The following EFL1 variants were observed in gnomAD, a reference collection of about 807,000 sequenced individuals.
EFL1 encodes elongation factor like GTPase 1.
In EFL1, 76 loss-of-function variants were observed where a neutral mutation model predicts 126.7. The ratio of observed to expected loss-of-function variants is 0.60; its 90% CI spans 0.50 to 0.73. The LOEUF is 0.73. Among genes scored for constraint, EFL1 ranks in the 30% least tolerant of loss-of-function variants. The pLI, the probability that EFL1 is intolerant of heterozygous loss-of-function variation, is 0.00. For missense variants in EFL1, 1,128 were observed against 1,343.2 expected (o/e 0.84, Z 2.50); for synonymous variants, 410 against 448.4 (o/e 0.91, Z 1.08).
intron 4 of EFL1, among the ~76,000 whole-genome samples, chr15:82,247,371 C>A (rs1459908557): frequency 6.6e-6 from 1 of 152,042 alleles, no homozygotes; most frequent in African/African-American, 2.4e-5. Context: ...GGTGAAAAGC[C>A]ACCTTAGAAG....
intron 15 of EFL1, among the ~76,000 whole-genome samples, chr15:82,180,285 A>G (rs549242441): frequency 1.3e-5 from 2 of 151,270 alleles, no homozygotes; most frequent in South Asian, 2.1e-4. Context: ...TCCTCCACAG[A>G]TATTTGTTGA....
chr15:82,132,549 G>A (rs901500340), intron 19 of EFL1, among the ~76,000 whole-genome samples: 5 of 151,836 alleles, frequency 3.3e-5, no homozygotes, highest in African/African-American at 7.3e-5. Flanking sequence ...AGCAGCCAGG[G>A]GGCACAGAGG....
chr15:82,138,573 G>T, intron 19 of EFL1, 85 bp downstream of exon 19: 1 of 1,496,852 alleles, frequency 6.7e-7, no homozygotes, highest in Non-Finnish European at 9.1e-7. Flanking sequence ...GGCATGATCT[G>T]TGTTGTTTGC....
At chr15:82,174,536 C>A (rs529690254) in intron 15 of EFL1, among the ~76,000 whole-genome samples, 1 of 152,244 alleles carries the variant, frequency 6.6e-6, no homozygotes, top group South Asian at 2.1e-4. Flanking sequence ...TTGCATTAAT[C>A]AATTTAGACC....
At chr15:82,180,610 T>C (rs1234637959) in intron 15 of EFL1, among the ~76,000 whole-genome samples, 2 of 152,114 alleles carry the variant, frequency 1.3e-5, no homozygotes, top group East Asian at 1.9e-4. Context: ...CTAAGATATA[T>C]TTTGATTTTT....
At chr15:82,171,880 TAC>T (rs572831597) in intron 15 of EFL1, among the ~76,000 whole-genome samples, 135 of 150,080 alleles carry the variant, frequency 9.0e-4, no homozygotes, top group African/African-American at 2.0e-3. Flanking sequence ...AATTTATATA[TAC>T]ACACACACAC....
At chr15:82,233,921 T>C (rs2074847129) in intron 7 of EFL1, 1 of 152,202 alleles carries the variant, frequency 6.6e-6, no homozygotes, top group Non-Finnish European at 1.5e-5. Flanking sequence ...TCTCTGGTGC[T>C]TTCATTTCCA....
At chr15:82,140,482 G>A (rs1247996982) in intron 18 of EFL1, among the ~76,000 whole-genome samples, 1 of 151,986 alleles carries the variant, frequency 6.6e-6, no homozygotes, top group Non-Finnish European at 1.5e-5. Flanking sequence ...AGTATCTCCT[G>A]AACTTCTTCT....
At chr15:82,228,418 T>A in intron 9 of EFL1, 91 bp from the exon 10 acceptor site, 1 of 1,453,532 alleles carries the variant, frequency 6.9e-7, no homozygotes, top group Non-Finnish European at 9.1e-7. Flanking sequence ...ATTTTTACCC[T>A]AATGTGTTAC....
Position 82,250,021 on chromosome 15 carries a change from C to G in EFL1, c.244+2670G>C, listed in dbSNP as rs542760770. Among the ~76,000 whole-genome samples the G allele has an allele frequency of 9.1e-4, 138 of 152,118 alleles. 1 individual carries two copies. The highest frequency in any genetic ancestry group is 3.2e-3 in the African/African-American group (133 of 41,444). On this transcript the variant is annotated intron_variant, in intron 4 of 19. Coordinates refer to ENST00000268206, the MANE Select transcript of EFL1 (RefSeq NM_024580.6). ...GTACACAGATTCTCAAATAAGAGGG[C>G]ATTCGAAGTGGGTGAGAAGGAGGGG...
In EFL1 at chr15:82,151,714, C is replaced by A. The variant is rs753996758; in HGVS notation, c.2740G>T (p.Gly914Ter). 1 of 1,613,978 alleles carries A rather than the reference C, an allele frequency of 6.2e-7. No homozygotes were observed. Among genetic ancestry groups the A allele is most frequent in the African/African-American group, 1.3e-5 (1 of 74,880 alleles). Reference sequence around the variant, plus strand: ...GAACAGGTTTCATTTTCCTCCTGTCCCTCTTTTGCCAGATCACTTGCTCCT... The same window carrying A: ...GAACAGGTTTCATTTTCCTCCTGTCACTCTTTTGCCAGATCACTTGCTCCT... ...EQGASDLAKE[G>*]QEENETCSGG... Residue 914 changes from glycine to a stop codon, truncating the protein, a stop_gained, in exon 18 of 20, where the codon GGA becomes TGA. Transcript: ENST00000268206. LOFTEE classifies it high-confidence loss of function.
intron 15 of EFL1, among the ~76,000 whole-genome samples, chr15:82,180,375 A>C (rs1487443197): frequency 1.1e-5 from 1 of 88,306 alleles, no homozygotes; most frequent in Non-Finnish European, 2.6e-5. Flanking sequence ...AAAAAAAACA[A>C]AAAAAAAACA....
Position 82,151,824 on chromosome 15 carries a change from G to T in EFL1, c.2630C>A (p.Thr877Asn). ...CTCCTCACACATGGGGCCAGAGAGG[G>T]TTGCTAGTTGGAAGCCACTCACAAT... is the stretch of plus-strand genomic sequence containing the variant. ...NSIVSGFQLA[T>N]LSGPMCEEPL... Residue 877 changes from threonine to asparagine, a missense_variant, in exon 18 of 20, where the codon ACC becomes AAC. By Grantham distance (65) the Thr-to-Asn change is moderately conservative (BLOSUM62 0). Transcript: ENST00000268206. The T allele has an allele frequency of 6.2e-7, 1 of 1,614,122 alleles. No individual in the cohort carries two copies. The highest frequency in any genetic ancestry group is 1.1e-5 in the South Asian group (1 of 91,066).
chr15:82,174,479 T>G (rs2074172754), intron 15 of EFL1: 1 of 152,230 alleles, frequency 6.6e-6, no homozygotes, highest in Non-Finnish European at 1.5e-5. Context: ...ATTGTTTGAA[T>G]TACCACAGGG....
At chr15:82,184,920 G>C (rs112590405) in intron 15 of EFL1, among the ~76,000 whole-genome samples, 47 of 152,330 alleles carry the variant, frequency 3.1e-4, no homozygotes, top group African/African-American at 1.1e-3. Context: ...GAACAACTTA[G>C]AGTAGTGTGA....
Position 82,151,564 on chromosome 15 carries a change from T to C in EFL1, c.2890A>G (p.Thr964Ala). The C allele has an allele frequency of 6.2e-7, 1 of 1,614,196 alleles. No individual in the cohort carries two copies. The highest frequency in any genetic ancestry group is 8.5e-7 in the Non-Finnish European group (1 of 1,180,030). ...YGPFSGQLIA[T>A]MKEACRYALQ... ...GCATAGCGACATGCTTCTTTCATGG[T>C]GGCAATTAGCTGTCCTGAGAAAGGT... Residue 964 changes from threonine (T) to alanine (A), a missense_variant, in exon 18 of 20, where the codon ACC (threonine) becomes GCC (alanine). By Grantham distance (58) the Thr-to-Ala change is moderately conservative. Around this residue, in one of 6 missense-constraint regions of EFL1, gnomAD observed 561 missense variants for 641.7 expected, o/e 0.87. Transcript: ENST00000268206.
chr15:82,210,502 C>T (rs116867505), intron 15 of EFL1, among the ~76,000 whole-genome samples: 2,729 of 152,294 alleles, frequency 0.018, 28 homozygotes, highest in Non-Finnish European at 0.026. Context: ...TGGCATCAGC[C>T]CCGAGACATG....
chr15:82,174,916 C>T (rs777911549), intron 15 of EFL1, among the ~76,000 whole-genome samples: 9 of 152,294 alleles, frequency 5.9e-5, no homozygotes, highest in Non-Finnish European at 1.3e-4. Context: ...TAGAATCTTA[C>T]ACTCTAGTAC....
intron 12 of EFL1, among the ~76,000 whole-genome samples, 185 bp from the exon 13 acceptor site, chr15:82,220,414 C>T (rs1795515483): frequency 6.6e-6 from 1 of 152,152 alleles, no homozygotes; most frequent in Admixed American, 6.5e-5. Flanking sequence ...AATGCTGTGT[C>T]CCAACTATTC....
Sources: gnomAD v4.1 joint callset for allele counts (sites outside exome capture counted in the v4.1 genomes callset) on GRCh38, gnomAD v4.1.1 for gene constraint, gnomAD v4.1.1 regional missense constraint, MANE v1.5 for transcripts, NCBI Gene and HGNC (gene_info 2026-07-23, HGNC 2026-07-21) for gene names.